The following NT5DC1 variants were observed in gnomAD, a reference collection of about 807,000 sequenced individuals.
The protein encoded by NT5DC1 is 5'-nucleotidase domain-containing protein 1.
Under a neutral mutation model 59.4 loss-of-function variants are expected in NT5DC1, and 42 were observed. That is an observed-to-expected ratio of 0.71 (90% CI 0.55 to 0.92). The LOEUF is 0.92. Ranked by LOEUF, NT5DC1 falls within the 40% of genes least tolerant of loss-of-function variation. The pLI is 0.00. For synonymous variants in NT5DC1, 172 were observed against 188.1 expected (o/e 0.91, Z 0.70); for missense variants, 501 against 537.1 (o/e 0.93, Z 0.66).
chr6:116,201,556 C>T (rs1211020157), intron 6 of NT5DC1, among the ~76,000 whole-genome samples: 2 of 151,916 alleles, frequency 1.3e-5, no homozygotes, highest in Non-Finnish European at 2.9e-5. Flanking sequence ...GAGCATTTGC[C>T]AGAGTCAGGT....
At chr6:116,167,435 A>G (rs1780495969) in intron 6 of NT5DC1, among the ~76,000 whole-genome samples, 1 of 152,050 alleles carries the variant, frequency 6.6e-6, no homozygotes, top group Non-Finnish European at 1.5e-5. Context: ...GATGGTCTCA[A>G]TCTCCTGGCC....
chr6:116,142,265 T>G (rs1779786394), intron 6 of NT5DC1, among the ~76,000 whole-genome samples: 1 of 152,038 alleles, frequency 6.6e-6, no homozygotes, highest in African/African-American at 2.4e-5. Context: ...ATAAACTATT[T>G]GATTAAATTC....
chr6:116,237,888 T>A (rs1268883831), intron 9 of NT5DC1, among the ~76,000 whole-genome samples: 1 of 152,256 alleles, frequency 6.6e-6, no homozygotes, highest in Non-Finnish European at 1.5e-5. Context: ...TGTAAACATC[T>A]ATGTAAACAT....
intron 4 of NT5DC1, among the ~76,000 whole-genome samples, chr6:116,111,286 TTCTC>T (rs1177789352): frequency 6.6e-6 from 1 of 152,234 alleles, no homozygotes; most frequent in East Asian, 1.9e-4. Flanking sequence ...TTACTTTTCT[TTCTC>T]CATCTCTGAT....
chr6:116,223,682 G>A (rs2114543851), intron 8 of NT5DC1, among the ~76,000 whole-genome samples: 1 of 152,366 alleles, frequency 6.6e-6, no homozygotes, highest in South Asian at 2.1e-4. Context: ...AAAAAGAAGA[G>A]CCTGATCCGG....
At chr6:116,114,827 G>T (rs1047960453) in intron 4 of NT5DC1, among the ~76,000 whole-genome samples, 4 of 152,188 alleles carry the variant, frequency 2.6e-5, no homozygotes, top group Admixed American at 2.0e-4. Flanking sequence ...TCTGTCCATG[G>T]AACAGGAAGC....
chr6:116,124,400 G>T (rs537290477), intron 6 of NT5DC1, among the ~76,000 whole-genome samples: 1 of 152,156 alleles, frequency 6.6e-6, no homozygotes, highest in East Asian at 1.9e-4. Flanking sequence ...TGAATATGAG[G>T]CCTAGAAGTT....
At chr6:116,229,887 C>T (rs1781984217) in intron 8 of NT5DC1, among the ~76,000 whole-genome samples, 1 of 152,184 alleles carries the variant, frequency 6.6e-6, no homozygotes, top group Non-Finnish European at 1.5e-5. Flanking sequence ...TTTCCTGAGT[C>T]TCATACGCAG....
chr6:116,231,106 C>CAAAAA (rs34948626), intron 8 of NT5DC1, among the ~76,000 whole-genome samples: 9 of 69,978 alleles, frequency 1.3e-4, no homozygotes, highest in South Asian at 7.6e-4. Context: ...AACTCCGTCT[C>CAAAAA]AAAAAAAAAA....
intron 8 of NT5DC1, among the ~76,000 whole-genome samples, chr6:116,231,596 A>G (rs2114553571): frequency 6.6e-6 from 1 of 152,354 alleles, no homozygotes; most frequent in East Asian, 1.9e-4. Flanking sequence ...TATAGTAAAA[A>G]TGAAGAATGA....
chr6:116,181,436 C>T (rs909228781), intron 6 of NT5DC1, among the ~76,000 whole-genome samples: 1 of 151,796 alleles, frequency 6.6e-6, no homozygotes, highest in Non-Finnish European at 1.5e-5. Flanking sequence ...TGCAGAAAAA[C>T]CCAATTAATA....
chr6:116,145,318 A>C (rs555566343), intron 6 of NT5DC1: 4 of 217,586 alleles, frequency 1.8e-5, no homozygotes, highest in Non-Finnish European at 3.1e-5. Context: ...TTGTCAGAGC[A>C]TAAGATCTGA....
intron 6 of NT5DC1, among the ~76,000 whole-genome samples, chr6:116,189,524 A>C (rs539928798): frequency 6.6e-6 from 1 of 152,130 alleles, no homozygotes; most frequent in African/African-American, 2.4e-5. Flanking sequence ...AGAAGACACA[A>C]ATGAACATAT....
chr6:116,174,083 A>G (rs938010903), intron 6 of NT5DC1, among the ~76,000 whole-genome samples: 3 of 152,350 alleles, frequency 2.0e-5, no homozygotes, highest in South Asian at 4.1e-4. Context: ...TTCACTTCAC[A>G]GAAGTGAAGA....
intron 6 of NT5DC1, chr6:116,121,288 C>A (rs1779114905): frequency 6.2e-7 from 1 of 1,614,048 alleles, no homozygotes; most frequent in East Asian, 2.2e-5. Context: ...TTCCTGGAAT[C>A]CCTGGCTGGC....
At chr6:116,107,655 C>T (rs1364218054) in intron 2 of NT5DC1, among the ~76,000 whole-genome samples, 3 of 151,686 alleles carry the variant, frequency 2.0e-5, no homozygotes, top group Admixed American at 6.6e-5. Flanking sequence ...TCACTGCAAG[C>T]TCTGCCTCCC....
rs76751368 is a variant in NT5DC1 at position 116,139,926 on chromosome 6, G to A, written c.529+21981G>A. 8.1e-3 allele frequency among the ~76,000 whole-genome samples: 1,236 copies of A among 152,232 alleles called. 20 individuals are homozygous for A. The highest frequency in any genetic ancestry group is 0.028 in the African/African-American group (1,172 of 41,528). On this transcript the variant is annotated intron_variant, in intron 6 of 11. Coordinates refer to ENST00000319550, the MANE Select transcript of NT5DC1 (RefSeq NM_152729.3). ...TGATAGTTAGGTCTGATTCAACTTT[G>A]TGTTCAGATTGGACTTGTGTTTATT...
intron 6 of NT5DC1, among the ~76,000 whole-genome samples, chr6:116,144,241 C>T (rs531867375): frequency 1.2e-4 from 19 of 152,238 alleles, no homozygotes; most frequent in African/African-American, 2.2e-4. Flanking sequence ...CAGTGGCTCA[C>T]GCCTGTATCC....
chr6:116,160,990 A>G (rs1582843804), intron 6 of NT5DC1, among the ~76,000 whole-genome samples: 1 of 151,952 alleles, frequency 6.6e-6, no homozygotes, highest in Non-Finnish European at 1.5e-5. Context: ...GCACATATAC[A>G]CCATGGAATA....
Sources: allele counts gnomAD v4.1 joint callset (sites outside exome capture counted in the v4.1 genomes callset), GRCh38; gene constraint gnomAD v4.1.1; transcripts MANE v1.5; gene names NCBI Gene and HGNC (gene_info 2026-07-23, HGNC 2026-07-21).